SNTB1: variants seen among roughly 807,000 people sequenced by gnomAD.
SNTB1 encodes the protein beta-1-syntrophin.
Under a neutral mutation model 48.9 loss-of-function variants are expected in SNTB1, and 36 were observed. That is an observed-to-expected ratio of 0.74 (90% CI 0.56 to 0.97). SNTB1 has a LOEUF of 0.97. Ranked by LOEUF, SNTB1 falls within the 50% of genes least tolerant of loss-of-function variation. The probability of loss-of-function intolerance (pLI) is 0.00; values close to 1 mark genes in which losing one functional copy is unlikely to be tolerated. For synonymous variants in SNTB1, 299 were observed against 294.6 expected (o/e 1.01, Z -0.15); for missense variants, 786 against 703.4 (o/e 1.12, Z -1.33).
In SNTB1 at chr8:120,631,206, T is replaced by C. The variant is rs565856563; in HGVS notation, c.996+1238A>G. Among the ~76,000 whole-genome samples the C allele has an allele frequency of 4.6e-5, 7 of 152,316 alleles. No homozygotes were observed. In the East Asian group the frequency reaches 1.3e-3, roughly 29 times the overall value. ...GATAGAGACGTGACTTTCAAAATTA[T>C]ATCAGCCATCCAGATTTATGCTCTT... is the stretch of plus-strand genomic sequence containing the variant. On this transcript the variant is annotated intron_variant, in intron 3 of 6. Transcript: ENST00000517992.
Position 120,541,928 on chromosome 8 carries a change from G to C in SNTB1, c.1406C>G (p.Pro469Arg). 6.2e-7 allele frequency: 1 copy of C among 1,613,876 alleles called. No individual in the cohort carries two copies. Among genetic ancestry groups the C allele is most frequent in the Non-Finnish European group, 8.5e-7 (1 of 1,179,880 alleles). Residue 469 changes from proline to arginine, a missense_variant, in exon 6 of 7, where the codon CCA becomes CGA. Physicochemically the swap from Pro to Arg is moderately radical, Grantham distance 103. Coordinates refer to ENST00000517992, the MANE Select transcript of SNTB1 (RefSeq NM_021021.4). ...YENGFSITTE[P>R]QEGAFPKTII... Reference sequence around the variant, plus strand: ...GGTCTTGGGAAAGGCACCCTCCTGTGGTTCAGTGGTAATAGAAAATCCATT... The same window carrying C: ...GGTCTTGGGAAAGGCACCCTCCTGTCGTTCAGTGGTAATAGAAAATCCATT...
chr8:120,625,127 C>T (rs1314094431), intron 3 of SNTB1, among the ~76,000 whole-genome samples: 2 of 152,128 alleles, frequency 1.3e-5, no homozygotes, highest in Non-Finnish European at 2.9e-5. Context: ...GCGATAATGG[C>T]GTTAATCCAT....
intron 2 of SNTB1, among the ~76,000 whole-genome samples, chr8:120,660,824 C>T (rs1328357161): frequency 1.3e-5 from 2 of 152,100 alleles, no homozygotes; most frequent in East Asian, 3.8e-4. Context: ...TAGAAACCTT[C>T]AAAGAGGTAT....
rs893648228 is a variant in SNTB1, at chr8:120,652,397, C to G, written c.789-19746G>C. On this transcript the variant is annotated intron_variant, in intron 2 of 6. Transcript: ENST00000517992. Reference sequence around the variant, plus strand: ...GAAAGTGATAGAGAGTAAAGAAATTCTATTCCAGGAATAATTGTTAAGGAG... The same window carrying G: ...GAAAGTGATAGAGAGTAAAGAAATTGTATTCCAGGAATAATTGTTAAGGAG... 1.8e-4 allele frequency among the ~76,000 whole-genome samples: 27 copies of G among 152,268 alleles called. 1 individual carries two copies. The highest frequency in any genetic ancestry group is 5.8e-4 in the African/African-American group (24 of 41,560).
intron 3 of SNTB1, among the ~76,000 whole-genome samples, chr8:120,618,207 A>G (rs1254335764): frequency 6.6e-6 from 1 of 152,194 alleles, no homozygotes; most frequent in Non-Finnish European, 1.5e-5. Context: ...ATGGAAATAA[A>G]TTATAGCATG....
At chr8:120,738,209 G>A (rs1818980995) in intron 1 of SNTB1, among the ~76,000 whole-genome samples, 1 of 152,150 alleles carries the variant, frequency 6.6e-6, no homozygotes, top group Non-Finnish European at 1.5e-5. Flanking sequence ...CACCAAATCT[G>A]CCTTGGACTT....
intron 2 of SNTB1, among the ~76,000 whole-genome samples, chr8:120,650,748 T>C (rs756919516): frequency 5.9e-5 from 9 of 152,226 alleles, no homozygotes; most frequent in Non-Finnish European, 1.3e-4. Flanking sequence ...TCCAGTGTAA[T>C]GCATGTTCCA....
intron 3 of SNTB1, among the ~76,000 whole-genome samples, chr8:120,622,475 CTAT>C (rs754155356): frequency 5.3e-5 from 8 of 152,142 alleles, no homozygotes; most frequent in Non-Finnish European, 1.0e-4. Context: ...CAGCCCAGTA[CTAT>C]TAGAAGTAAT....
intron 1 of SNTB1, among the ~76,000 whole-genome samples, chr8:120,753,208 A>G (rs1442138890): frequency 6.6e-6 from 1 of 152,070 alleles, no homozygotes; most frequent in Non-Finnish European, 1.5e-5. Flanking sequence ...CTCATATAAT[A>G]CACACCAAGG....
intron 1 of SNTB1, among the ~76,000 whole-genome samples, chr8:120,766,028 C>T (rs1277408198): frequency 6.6e-6 from 1 of 152,158 alleles, no homozygotes; most frequent in African/African-American, 2.4e-5. Flanking sequence ...TTACGGCACT[C>T]TTCTTTTTAA....
chr8:120,699,078 G>A (rs1201911493), intron 1 of SNTB1, among the ~76,000 whole-genome samples: 1 of 152,180 alleles, frequency 6.6e-6, no homozygotes, highest in Middle Eastern at 3.2e-3. Context: ...AGGGACTCAG[G>A]CTTCTGCTTC....
chr8:120,606,142 T>A (rs990920792), intron 3 of SNTB1, among the ~76,000 whole-genome samples: 2 of 149,918 alleles, frequency 1.3e-5, no homozygotes, highest in African/African-American at 2.4e-5. Flanking sequence ...TAATAGCTAT[T>A]ACCCTAAAAT....
intron 2 of SNTB1, among the ~76,000 whole-genome samples, chr8:120,679,914 A>G (rs1817901605): frequency 1.3e-5 from 2 of 151,686 alleles, no homozygotes; most frequent in South Asian, 4.2e-4. Flanking sequence ...CAGTAGGTAT[A>G]GACACATTCT....
At chr8:120,729,177 T>C (rs1818812254) in intron 1 of SNTB1, among the ~76,000 whole-genome samples, 1 of 152,164 alleles carries the variant, frequency 6.6e-6, no homozygotes, top group Non-Finnish European at 1.5e-5. Flanking sequence ...GCGTGGTTTC[T>C]ACAGCCATGT....
chr8:120,611,114 C>T (rs1374265014), intron 3 of SNTB1, among the ~76,000 whole-genome samples: 1 of 152,170 alleles, frequency 6.6e-6, no homozygotes, highest in Admixed American at 6.5e-5. Context: ...AGGTCTGACC[C>T]TAGAGCAAGC....
At chr8:120,793,291 A>G (rs1305403735) in intron 1 of SNTB1, among the ~76,000 whole-genome samples, 1 of 152,048 alleles carries the variant, frequency 6.6e-6, no homozygotes, top group Non-Finnish European at 1.5e-5. Flanking sequence ...CCCTAAGAAG[A>G]GAGTGATTTA....
At chr8:120,623,466 C>G (rs1366605045) in intron 3 of SNTB1, among the ~76,000 whole-genome samples, 1 of 152,198 alleles carries the variant, frequency 6.6e-6, no homozygotes, top group Non-Finnish European at 1.5e-5. Context: ...TCACATCCTC[C>G]CCTAGGAACC....
At chr8:120,556,811 T>G (rs191675103) in intron 4 of SNTB1, among the ~76,000 whole-genome samples, 363 of 152,358 alleles carry the variant, frequency 2.4e-3, no homozygotes, top group Non-Finnish European at 4.1e-3. Flanking sequence ...CATTGGCATA[T>G]TACCAACTCC....
At chr8:120,726,379 A>G (rs191424541) in intron 1 of SNTB1, among the ~76,000 whole-genome samples, 1 of 152,116 alleles carries the variant, frequency 6.6e-6, no homozygotes, top group African/African-American at 2.4e-5. Context: ...CCACAAAAGA[A>G]CCGCCTATTT....
Sources: allele counts gnomAD v4.1 joint callset (sites outside exome capture counted in the v4.1 genomes callset), GRCh38; gene constraint gnomAD v4.1.1; transcripts MANE v1.5; gene names NCBI Gene and HGNC (gene_info 2026-07-23, HGNC 2026-07-21).